Variants in ZFP2 observed in about 807,000 individuals in gnomAD.
The protein encoded by ZFP2 is ZFP2 zinc finger protein, also known as zinc finger protein ZFP2.
Under a neutral mutation model 36.1 loss-of-function variants are expected in ZFP2, and 33 were observed. That is an observed-to-expected ratio of 0.92 (90% CI 0.69 to 1.22). The LOEUF (loss-of-function observed/expected upper bound fraction) is 1.22. Among genes scored for constraint, ZFP2 ranks in the 50% most tolerant of loss-of-function variants. The probability of loss-of-function intolerance (pLI) is 0.00; values close to 1 mark genes in which losing one functional copy is unlikely to be tolerated. For synonymous variants in ZFP2, 170 were observed against 178.0 expected (o/e 0.96, Z 0.36); for missense variants, 522 against 551.4 (o/e 0.95, Z 0.53).
intron 3 of ZFP2, among the ~76,000 whole-genome samples, chr5:178,914,665 A>G (rs180710996): frequency 6.6e-6 from 1 of 152,010 alleles, no homozygotes; most frequent in Non-Finnish European, 1.5e-5. Context: ...GGAGGGGGGG[A>G]CAGAAGGGAA....
intron 3 of ZFP2, among the ~76,000 whole-genome samples, chr5:178,913,487 T>C (rs1482468222): frequency 6.6e-6 from 1 of 152,244 alleles, no homozygotes; most frequent in East Asian, 1.9e-4. Context: ...TGTAAATATT[T>C]GTAAGCTTTT....
rs1758872151 is a variant in ZFP2 at position 178,932,500 on chromosome 5, AC to A, written c.1189del (p.Ile398LeufsTer76). 1 of 1,613,994 alleles carries A rather than the reference AC, an allele frequency of 6.2e-7. No individual in the cohort carries two copies. Among genetic ancestry groups the A allele is most frequent in the Non-Finnish European group, 8.5e-7 (1 of 1,180,028 alleles). Reference sequence around the variant, plus strand: ...GGAAAGGCATTCAGCCAGAGTGCTTACCTTATTGAACATCAAAGAATTCATA... The same window carrying A: ...GGAAAGGCATTCAGCCAGAGTGCTTACTTATTGAACATCAAAGAATTCATA... ...ECGKAFSQSA[Y>X]LIEHQRIHTG... On this transcript the variant is annotated frameshift_variant, in exon 5 of 5. Coordinates refer to ENST00000361362, the MANE Select transcript of ZFP2 (RefSeq NM_030613.4). LOFTEE classifies it high-confidence loss of function.
At chr5:178,902,100 A>C (rs1388117536) in intron 1 of ZFP2, among the ~76,000 whole-genome samples, 1 of 152,204 alleles carries the variant, frequency 6.6e-6, no homozygotes, top group African/African-American at 2.4e-5. Flanking sequence ...ACTCCACTGC[A>C]CTCCAGCCTG....
intron 1 of ZFP2, among the ~76,000 whole-genome samples, chr5:178,907,238 C>T (rs185514576): frequency 2.0e-5 from 3 of 152,252 alleles, no homozygotes; most frequent in Middle Eastern, 3.4e-3. Flanking sequence ...TCTTCCTATA[C>T]TTTATACATT....
At chr5:178,925,107 T>TTA (rs766110848) in intron 4 of ZFP2, among the ~76,000 whole-genome samples, 6,573 of 109,898 alleles carry the variant, frequency 0.06, 495 homozygotes, top group Non-Finnish European at 0.093. Flanking sequence ...AATTGAATCT[T>TTA]TATATATATA....
chr5:178,920,492 C>T (rs892203353), intron 4 of ZFP2, among the ~76,000 whole-genome samples: 2 of 152,068 alleles, frequency 1.3e-5, no homozygotes, highest in Admixed American at 6.6e-5. Flanking sequence ...CAAAAATTAG[C>T]CGGGCATGGT....
chr5:178,921,408 GA>G (rs1203056576), intron 4 of ZFP2, among the ~76,000 whole-genome samples: 2 of 127,844 alleles, frequency 1.6e-5, no homozygotes, highest in Non-Finnish European at 3.8e-5. Context: ...AAAAGATGAT[GA>G]AGTGGGGCTT....
At chr5:178,903,904 T>A (rs1374035430) in intron 1 of ZFP2, among the ~76,000 whole-genome samples, 2 of 152,066 alleles carry the variant, frequency 1.3e-5, no homozygotes, top group African/African-American at 4.8e-5. Flanking sequence ...GGCAGGAGAA[T>A]CGGTTGAACC....
chr5:178,910,505 G>A (rs1496948), intron 1 of ZFP2: 129,805 of 611,404 alleles, frequency 0.21, 15,269 homozygotes, highest in Non-Finnish European at 0.24. Context: ...ACAGTGGCCT[G>A]CACCCTGCCT....
At chr5:178,901,283 C>T (rs939680954) in intron 1 of ZFP2, among the ~76,000 whole-genome samples, 4 of 152,194 alleles carry the variant, frequency 2.6e-5, no homozygotes, top group South Asian at 2.1e-4. Context: ...TTTGAGAATT[C>T]CAGTCGCTCT....
intron 4 of ZFP2, among the ~76,000 whole-genome samples, chr5:178,929,798 C>T (rs1758777366): frequency 6.6e-6 from 1 of 152,132 alleles, no homozygotes; most frequent in South Asian, 2.1e-4. Context: ...AGAAATTCTC[C>T]ACTTCCCCGT....
intron 4 of ZFP2, among the ~76,000 whole-genome samples, chr5:178,921,710 A>G (rs990692806): frequency 2.7e-5 from 4 of 149,460 alleles, no homozygotes; most frequent in African/African-American, 2.4e-5. Context: ...AGATGGCTGT[A>G]TAAGTTTAGT....
In ZFP2 at chr5:178,912,686, A is replaced by T. The variant is rs1581834124; in HGVS notation, c.-347A>T. Reference sequence around the variant, plus strand: ...GAGGATGACCGTGTATGGGGAGGTGATGCTGGAGAACTACAGGAACCCGGT... The same window carrying T: ...GAGGATGACCGTGTATGGGGAGGTGTTGCTGGAGAACTACAGGAACCCGGT... On this transcript the variant is annotated 5_prime_UTR_variant, in exon 2 of 5. The change abolishes an upstream ATG in the 5' untranslated region. Transcript: ENST00000361362. 9.4e-7 allele frequency: 1 copy of T among 1,064,018 alleles called. No individual in the cohort carries two copies. Among genetic ancestry groups the T allele is most frequent in the East Asian group, 7.8e-5 (1 of 12,768 alleles). 65.9% of individuals were successfully genotyped at this position (1,064,018 alleles called of 1,614,324 possible). A position where few individuals can be genotyped will look rare whatever the true frequency, so the allele number is the denominator to read the frequency against.
At chr5:178,912,948 A>G (rs1758326852) in intron 2 of ZFP2, 34 bp from the exon 3 acceptor site, 2 of 982,786 alleles carry the variant, frequency 2.0e-6, no homozygotes, top group Non-Finnish European at 1.2e-6. Flanking sequence ...GGCTCAGTTC[A>G]GAACCCAAAT....
At chr5:178,899,866 TA>T (rs531095410) in intron 1 of ZFP2, among the ~76,000 whole-genome samples, 1 of 152,094 alleles carries the variant, frequency 6.6e-6, no homozygotes, top group African/African-American at 2.4e-5. Context: ...AAGTATGTAT[TA>T]GGGGTCGTTG....
At chr5:178,928,201 C>T (rs1000800793) in intron 4 of ZFP2, among the ~76,000 whole-genome samples, 1 of 152,072 alleles carries the variant, frequency 6.6e-6, no homozygotes, top group African/African-American at 2.4e-5. Context: ...GGTGGGGACA[C>T]ACATCCAAAT....
intron 4 of ZFP2, among the ~76,000 whole-genome samples, chr5:178,921,745 G>A (rs907497195): frequency 6.7e-6 from 1 of 149,272 alleles, no homozygotes; most frequent in African/African-American, 2.4e-5. Context: ...AGGAAAAAAA[G>A]GAAGCTCACC....
chr5:178,922,873 A>G lies in ZFP2; in HGVS notation c.-78+6163A>G, dbSNP rs529988129. ...AGCTTTTTAAACTATGAAACCCCTGAGAGATTGTACCTTCTAGTTGAAATA... is the reference window on the plus strand; with the variant it reads ...AGCTTTTTAAACTATGAAACCCCTGGGAGATTGTACCTTCTAGTTGAAATA... On this transcript the variant is annotated intron_variant, in intron 4 of 4. Coordinates refer to ENST00000361362, the MANE Select transcript of ZFP2 (RefSeq NM_030613.4). 4.7e-5 allele frequency among the ~76,000 whole-genome samples: 7 copies of G among 149,696 alleles called. No individual in the cohort carries two copies. The East Asian group carries it at 1.2e-3, about 25-fold the overall frequency.
Position 178,912,973 on chromosome 5 carries a change from C to G in ZFP2, c.-313-9C>G. ...AGAACCCAAATTTAATGTCTCTCCTCTTAAGCAGGAAATCACCTTTCCAAA... is the reference window on the plus strand; with the variant it reads ...AGAACCCAAATTTAATGTCTCTCCTGTTAAGCAGGAAATCACCTTTCCAAA... On this transcript the variant is annotated splice_polypyrimidine_tract_variant and intron_variant, in intron 2 of 4. Transcript: ENST00000361362. 2 of 985,852 alleles carry G rather than the reference C, an allele frequency of 2.0e-6. No homozygotes were observed. Among genetic ancestry groups the G allele is most frequent in the Non-Finnish European group, 2.4e-6 (2 of 829,902 alleles). The allele number at this position is 985,852 out of a possible 1,614,324, so 61.1% of individuals were successfully genotyped here. A position where few individuals can be genotyped will look rare whatever the true frequency, so the allele number is the denominator to read the frequency against.
Sources: allele counts gnomAD v4.1 joint callset (sites outside exome capture counted in the v4.1 genomes callset), GRCh38; gene constraint gnomAD v4.1.1; transcripts MANE v1.5; gene names NCBI Gene and HGNC (gene_info 2026-07-23, HGNC 2026-07-21).